CTNND2: variants seen among roughly 807,000 people sequenced by gnomAD.
CTNND2 encodes the protein catenin delta 2.
CTNND2 carries 22 observed loss-of-function variants against 144.4 expected under a neutral mutation model. The ratio of observed to expected loss-of-function variants is 0.15; its 90% CI spans 0.11 to 0.22. The LOEUF (loss-of-function observed/expected upper bound fraction) is 0.22, where lower values mean the gene tolerates loss of function less well. Ranked by LOEUF, CTNND2 falls within the 10% of genes least tolerant of loss-of-function variation. The probability of loss-of-function intolerance (pLI) is 1.00; values close to 1 mark genes in which losing one functional copy is unlikely to be tolerated. For synonymous variants in CTNND2, 751 were observed against 695.6 expected, an observed-to-expected ratio of 1.08 and a Z score of -1.25; for missense variants, 1,353 against 1,618.8, an observed-to-expected ratio of 0.84 and a Z score of 2.82.
intron 3 of CTNND2, among the ~76,000 whole-genome samples, chr5:11,474,457 A>C (rs1389489438): frequency 6.6e-6 from 1 of 152,228 alleles, no homozygotes; most frequent in African/African-American, 2.4e-5. Flanking sequence ...GCCCAGAGAA[A>C]AGAGACAATA....
intron 3 of CTNND2, among the ~76,000 whole-genome samples, chr5:11,558,778 G>A (rs746636062): frequency 4.1e-4 from 63 of 152,116 alleles, no homozygotes; most frequent in Non-Finnish European, 7.1e-4. Flanking sequence ...CTGTGACTGA[G>A]GTCTCGATCT....
At position 11,240,896 on chromosome 5, in the gene CTNND2, CACAT is replaced by C. The variant is rs1211825560; in HGVS notation, c.1629-4077_1629-4074del. Among the ~76,000 whole-genome samples the C allele has an allele frequency of 6.8e-5, 10 of 147,574 alleles. No individual in the cohort carries two copies. In the South Asian group the frequency reaches 8.8e-4, roughly 13 times the overall value. On this transcript the variant is annotated intron_variant, in intron 9 of 21. Transcript: ENST00000304623. ...CACCCCAACCCACACACACCCAAAA[CACAT>C]ACACTCAGCACACACATCCCCAACA...
At chr5:11,098,858 G>T in intron 14 of CTNND2, 110 bp from the exon 15 acceptor site, 1 of 986,074 alleles carries the variant, frequency 1.0e-6, no homozygotes. Context: ...TATCACATTT[G>T]CTGAACATAG....
intron 9 of CTNND2, among the ~76,000 whole-genome samples, chr5:11,241,743 T>C (rs923850582): frequency 1.3e-5 from 2 of 152,162 alleles, no homozygotes; most frequent in Non-Finnish European, 2.9e-5. Context: ...CCCAGAGAAA[T>C]AGCAGCAGGC....
intron 1 of CTNND2, among the ~76,000 whole-genome samples, chr5:11,822,973 G>A (rs1442968984): frequency 2.6e-5 from 4 of 152,234 alleles, no homozygotes; most frequent in Middle Eastern, 3.4e-3. Flanking sequence ...ACCACTAAGT[G>A]TTAGAGCATT....
chr5:11,516,536 C>T (rs1581389463), intron 3 of CTNND2, among the ~76,000 whole-genome samples: 1 of 151,882 alleles, frequency 6.6e-6, no homozygotes, highest in East Asian at 1.9e-4. Context: ...GTTTGCATTT[C>T]TATACACTAG....
rs61757523 is a variant in CTNND2 at position 11,468,289 on chromosome 5, T to C, written c.288-56220A>G. Among the ~76,000 whole-genome samples, 851 of 152,258 alleles carry C rather than the reference T, an allele frequency of 5.6e-3. 14 individuals are homozygous for C. Among genetic ancestry groups the C allele is most frequent in the African/African-American group, 0.019 (807 of 41,550 alleles). The stretch of plus-strand genomic sequence containing the variant: ...AGCATCAGTCAGTCCTTACAGCCAA[T>C]GGAGATGAAAGCAAGAGGACAAAAG... On this transcript the variant is annotated intron_variant, in intron 3 of 21. Coordinates refer to ENST00000304623, the MANE Select transcript of CTNND2 (RefSeq NM_001332.4).
At chr5:11,470,976 ATATATTTT>A (rs33921485) in intron 3 of CTNND2, among the ~76,000 whole-genome samples, 28 of 95,134 alleles carry the variant, frequency 2.9e-4, no homozygotes, top group African/African-American at 1.2e-3. Context: ...ATATATATAT[ATATATTTT>A]TTTTTTTTTT....
At chr5:11,094,629 G>A (rs148652021) in intron 15 of CTNND2, among the ~76,000 whole-genome samples, 3 of 152,012 alleles carry the variant, frequency 2.0e-5, no homozygotes, top group African/African-American at 4.8e-5. Context: ...ACAGGCACAC[G>A]CCACCATGCC....
intron 12 of CTNND2, among the ~76,000 whole-genome samples, chr5:11,124,918 G>A (rs1754519106): frequency 6.6e-6 from 1 of 152,162 alleles, no homozygotes; most frequent in Non-Finnish European, 1.5e-5. Context: ...TAAGTGGTTT[G>A]AGCAGCCCCT....
intron 14 of CTNND2, among the ~76,000 whole-genome samples, chr5:11,101,693 G>C (rs1751893686): frequency 6.6e-6 from 1 of 152,122 alleles, no homozygotes; most frequent in Non-Finnish European, 1.5e-5. Context: ...ACTATATCTT[G>C]AGAACCTACT....
At chr5:11,032,784 T>G (rs1474616969) in intron 16 of CTNND2, among the ~76,000 whole-genome samples, 1 of 152,238 alleles carries the variant, frequency 6.6e-6, no homozygotes, top group African/African-American at 2.4e-5. Flanking sequence ...AAGATACCAC[T>G]TATATAACAT....
At chr5:11,230,220 G>C (rs1740848339) in intron 10 of CTNND2, among the ~76,000 whole-genome samples, 1 of 115,458 alleles carries the variant, frequency 8.7e-6, no homozygotes, top group African/African-American at 3.3e-5. Flanking sequence ...ACTGTGGTGG[G>C]GAGGGGGGAG....
intron 16 of CTNND2, among the ~76,000 whole-genome samples, chr5:11,049,711 C>T (rs1226582550): frequency 2.6e-5 from 4 of 152,192 alleles, no homozygotes; most frequent in Non-Finnish European, 5.9e-5. Flanking sequence ...CCAAACCCAC[C>T]CCTTTGTGCA....
intron 1 of CTNND2, among the ~76,000 whole-genome samples, chr5:11,816,059 CG>C (rs1561821698): frequency 6.6e-6 from 1 of 152,156 alleles, no homozygotes; most frequent in Non-Finnish European, 1.5e-5. Flanking sequence ...ACAGTTGGAG[CG>C]TGCCTGTGAG....
intron 1 of CTNND2, among the ~76,000 whole-genome samples, chr5:11,879,012 G>A (rs1189501312): frequency 3.3e-5 from 5 of 152,186 alleles, no homozygotes; most frequent in Admixed American, 1.3e-4. Context: ...AGCTCCAGCC[G>A]CCCCACATGG....
At chr5:11,162,918 GAC>G (rs58027818) in intron 11 of CTNND2, among the ~76,000 whole-genome samples, 1 of 141,490 alleles carries the variant, frequency 7.1e-6, no homozygotes, top group Non-Finnish European at 1.5e-5. Context: ...CACACATACA[GAC>G]ACACACACAC....
intron 13 of CTNND2, among the ~76,000 whole-genome samples, chr5:11,112,013 A>ATTTTT: frequency 6.6e-6 from 1 of 151,166 alleles, no homozygotes; most frequent in Admixed American, 6.6e-5. Context: ...CGCCCAGCTA[A>ATTTTT]TTTTTTTTTG....
chr5:11,262,417 T>C (rs1401327074), intron 9 of CTNND2, among the ~76,000 whole-genome samples: 4 of 152,124 alleles, frequency 2.6e-5, no homozygotes, highest in Non-Finnish European at 5.9e-5. Flanking sequence ...TTTTCTAGAC[T>C]GGATGTTGCC....
Sources: allele counts gnomAD v4.1 joint callset (sites outside exome capture counted in the v4.1 genomes callset), GRCh38; gene constraint gnomAD v4.1.1; transcripts MANE v1.5; gene names NCBI Gene and HGNC (gene_info 2026-07-23, HGNC 2026-07-21).